DPH6: variants seen among roughly 807,000 people sequenced by gnomAD.
The protein encoded by DPH6 is diphthamine biosynthesis 6, also known as diphthine--ammonia ligase.
A neutral mutation model predicts 38.2 loss-of-function variants in DPH6; 33 were observed. The ratio of observed to expected loss-of-function variants is 0.86; its 90% CI spans 0.65 to 1.15. The LOEUF (loss-of-function observed/expected upper bound fraction) is 1.15, where lower values mean the gene tolerates loss of function less well. DPH6 is among the 50% of genes most tolerant of loss of function. The pLI, the probability that DPH6 is intolerant of heterozygous loss-of-function variation, is 0.00. For missense variants in DPH6, 325 were observed against 320.0 expected (o/e 1.02, Z -0.12); for synonymous variants, 108 against 103.0 (o/e 1.05, Z -0.30).
At chr15:35,443,547 A>T (rs1385675181) in intron 5 of DPH6, among the ~76,000 whole-genome samples, 2 of 152,178 alleles carry the variant, frequency 1.3e-5, no homozygotes, top group African/African-American at 4.8e-5. Context: ...AAAGGGAAGG[A>T]TATGTGCTTT....
At chr15:35,318,527 T>C (rs1443651294) in intron 3 of DPH6, among the ~76,000 whole-genome samples, 1 of 152,166 alleles carries the variant, frequency 6.6e-6, no homozygotes, top group Admixed American at 6.5e-5. Flanking sequence ...CAAGTGCATA[T>C]AAATCAGTTT....
At chr15:35,332,282 GA>G (rs1281254303) in intron 3 of DPH6, among the ~76,000 whole-genome samples, 1 of 151,852 alleles carries the variant, frequency 6.6e-6, no homozygotes, top group Admixed American at 6.6e-5. Flanking sequence ...AGAAATTAAT[GA>G]AAAAATTAGG....
intron 3 of DPH6, among the ~76,000 whole-genome samples, chr15:35,263,067 C>T (rs187009815): frequency 6.8e-4 from 103 of 152,186 alleles, no homozygotes; most frequent in African/African-American, 2.4e-3. Flanking sequence ...GAAAAAAATA[C>T]GTGAAAAGTT....
intron 5 of DPH6, among the ~76,000 whole-genome samples, chr15:35,421,347 C>A (rs1002523504): frequency 1.3e-5 from 2 of 152,162 alleles, no homozygotes; most frequent in African/African-American, 4.8e-5. Flanking sequence ...TTCTGTGTAA[C>A]ACAAAGTAGA....
intron 6 of DPH6, among the ~76,000 whole-genome samples, chr15:35,405,108 G>A (rs2053274311): frequency 1.3e-5 from 2 of 152,074 alleles, no homozygotes; most frequent in African/African-American, 4.8e-5. Flanking sequence ...CCAGTACCAT[G>A]CTATTTTGGT....
At chr15:35,255,747 C>T (rs1842556) in intron 3 of DPH6, among the ~76,000 whole-genome samples, 76,663 of 152,030 alleles carry the variant, frequency 0.5, 23,954 homozygotes, top group Non-Finnish European at 0.7. Flanking sequence ...TGACTGCACA[C>T]TGTTAAATAA....
intron 3 of DPH6, among the ~76,000 whole-genome samples, chr15:35,299,622 T>C (rs1566863154): frequency 6.6e-6 from 1 of 152,178 alleles, no homozygotes; most frequent in Non-Finnish European, 1.5e-5. Flanking sequence ...ATCTCTAACA[T>C]GTTCTTTCTC....
chr15:35,195,619 A>G, the DPH6 span, among the ~76,000 whole-genome samples: 2 of 152,162 alleles, frequency 1.3e-5, no homozygotes, highest in Non-Finnish European at 2.9e-5. Context: ...TCTGATACTC[A>G]GCTAGTATTT....
intron 3 of DPH6, among the ~76,000 whole-genome samples, chr15:35,239,799 CCCCCAATCGCTTATTTCCACA>C (rs1339908968): frequency 7.1e-6 from 1 of 141,596 alleles, no homozygotes; most frequent in Non-Finnish European, 1.5e-5. Flanking sequence ...GGGCAAGAAC[CCCCCAATCGCTTATTTCCACA>C]CCCCAACCTC....
intron 3 of DPH6, among the ~76,000 whole-genome samples, chr15:35,268,335 A>C (rs1342547296): frequency 6.6e-6 from 1 of 152,058 alleles, no homozygotes; most frequent in Non-Finnish European, 1.5e-5. Flanking sequence ...ACAGACAGGC[A>C]ACTGCAGTAG....
At chr15:35,154,033 A>G in the DPH6 span, among the ~76,000 whole-genome samples, 2 of 152,202 alleles carry the variant, frequency 1.3e-5, no homozygotes, top group Non-Finnish European at 2.9e-5. Flanking sequence ...AGAGGAAGGT[A>G]GCATCTGATA....
intron 3 of DPH6, among the ~76,000 whole-genome samples, chr15:35,496,567 A>AAAAAAATAT: frequency 3.2e-5 from 1 of 31,016 alleles, no homozygotes; most frequent in African/African-American, 1.4e-4. Context: ...AAAAAAAAAA[A>AAAAAAATAT]ATATATATAT....
exon 4 of DPH6, chr15:35,218,558 C>T (rs1595432674): frequency 6.6e-6 from 1 of 152,176 alleles, no homozygotes; most frequent in Non-Finnish European, 1.5e-5. Context: ...GCAATAAAGA[C>T]TTCTTACTGA....
At chr15:35,532,119 A>G (rs2055098048) in intron 3 of DPH6, among the ~76,000 whole-genome samples, 1 of 152,200 alleles carries the variant, frequency 6.6e-6, no homozygotes. Context: ...CATGAAAAGC[A>G]ATCTCCTAGA....
intron 3 of DPH6, among the ~76,000 whole-genome samples, chr15:35,355,736 T>G (rs1199228512): frequency 6.6e-6 from 1 of 152,200 alleles, no homozygotes; most frequent in Non-Finnish European, 1.5e-5. Flanking sequence ...TCATTTCAAC[T>G]TTGGTGAGTC....
At chr15:35,422,111 C>T (rs894127179) in intron 5 of DPH6, among the ~76,000 whole-genome samples, 3 of 150,660 alleles carry the variant, frequency 2.0e-5, no homozygotes, top group Non-Finnish European at 3.0e-5. Flanking sequence ...AGTGTTATTC[C>T]TTCAAATATA....
chr15:35,457,104 C>G (rs1003845185), intron 3 of DPH6, among the ~76,000 whole-genome samples: 8 of 151,968 alleles, frequency 5.3e-5, no homozygotes, highest in Admixed American at 2.0e-4. Flanking sequence ...CAGACGTGTA[C>G]CACCATGCCC....
In DPH6 at chr15:35,239,384, C is replaced by T. The variant is rs1278116503; in HGVS notation, n.201-18802G>A. Among the ~76,000 whole-genome samples, 3 of 144,002 alleles carry T rather than the reference C, an allele frequency of 2.1e-5. 1 individual carries two copies. The highest frequency in any genetic ancestry group is 1.5e-5 in the Non-Finnish European group (1 of 65,544). 94.5% of individuals were successfully genotyped at this position (144,002 alleles called of 152,430 possible). On this transcript the variant is annotated intron_variant and non_coding_transcript_variant, in intron 3 of 3. Transcript: ENST00000560386. ...ATCTGTGGACCCCAAACTCCGGCGC[C>T]GGTCACGGACTGGGAAGGCAGCCTT...
chr15:35,403,420 CT>C (rs1434360209), intron 6 of DPH6, among the ~76,000 whole-genome samples: 1 of 152,020 alleles, frequency 6.6e-6, no homozygotes. Context: ...TCCAATTACA[CT>C]TTTTTAGTTA....
Sources: gnomAD v4.1 joint callset for allele counts (sites outside exome capture counted in the v4.1 genomes callset) on GRCh38, gnomAD v4.1.1 for gene constraint, MANE v1.5 for transcripts, NCBI Gene and HGNC (gene_info 2026-07-23, HGNC 2026-07-21) for gene names.